The following GUCY1A2 variants were observed in gnomAD, a reference collection of about 807,000 sequenced individuals.
The protein encoded by GUCY1A2 is guanylate cyclase 1 soluble subunit alpha 2.
Under a neutral mutation model 63.5 loss-of-function variants are expected in GUCY1A2, and 27 were observed. The observed-to-expected ratio is 0.43, with a 90% CI of 0.31 to 0.59. The LOEUF is 0.59. GUCY1A2 is among the 20% of genes least tolerant of loss of function. The pLI is 0.11. For synonymous variants in GUCY1A2, 364 were observed against 343.5 expected (o/e 1.06, Z -0.66); for missense variants, 768 against 913.3 (o/e 0.84, Z 2.05).
rs1858991359 is a variant in GUCY1A2, at chr11:106,827,758, G to A, written c.1207-17280C>T. 9.9e-6 allele frequency: 15 copies of A among 1,516,816 alleles called. No individual in the cohort carries two copies. In the South Asian group the frequency reaches 1.6e-4, roughly 16 times the overall value. The allele number at this position is 1,516,816 out of a possible 1,614,324, so 94.0% of individuals were successfully genotyped here. On this transcript the variant is annotated intron_variant, in intron 4 of 7. Transcript: ENST00000526355. Reference sequence around the variant, plus strand: ...AAATTTGTAACTGCTTTCATAACAGGAGAAGCTGTTACCAAGAGAATATCT... The same window carrying A: ...AAATTTGTAACTGCTTTCATAACAGAAGAAGCTGTTACCAAGAGAATATCT...
intron 1 of GUCY1A2, among the ~76,000 whole-genome samples, chr11:106,989,814 T>A (rs17106282): frequency 0.067 from 10,251 of 152,092 alleles, 878 homozygotes; most frequent in East Asian, 0.3. Flanking sequence ...GAATTCTCAA[T>A]ATTAAGGCTG....
At chr11:106,812,845 C>T (rs903082390) in intron 4 of GUCY1A2, among the ~76,000 whole-genome samples, 3 of 151,822 alleles carry the variant, frequency 2.0e-5, no homozygotes, top group Non-Finnish European at 2.9e-5. Flanking sequence ...AATTCATAGA[C>T]GATAAGCCCA....
At chr11:106,881,738 A>G (rs1944196) in intron 4 of GUCY1A2, among the ~76,000 whole-genome samples, 24,863 of 151,962 alleles carry the variant, frequency 0.16, 2,466 homozygotes, top group East Asian at 0.29. Flanking sequence ...AGTAAATGCC[A>G]ATTGCAACCA....
chr11:106,960,658 A>G (rs1471045), intron 3 of GUCY1A2, among the ~76,000 whole-genome samples: 57,189 of 152,084 alleles, frequency 0.38, 11,176 homozygotes, highest in Non-Finnish European at 0.43. Flanking sequence ...TGTAGAAAAT[A>G]CGGACTGGAT....
At chr11:106,987,726 T>C (rs1286863707) in intron 1 of GUCY1A2, among the ~76,000 whole-genome samples, 2 of 151,392 alleles carry the variant, frequency 1.3e-5, no homozygotes, top group East Asian at 3.9e-4. Flanking sequence ...CACCTCTTCA[T>C]AAAAACATCC....
chr11:106,938,252 C>T (rs78490756), intron 4 of GUCY1A2, among the ~76,000 whole-genome samples: 4,800 of 152,014 alleles, frequency 0.032, 241 homozygotes, highest in African/African-American at 0.11. Flanking sequence ...CCATCTTTCT[C>T]GAATATTTTT....
chr11:106,755,048 A>G (rs1863950038), intron 6 of GUCY1A2, among the ~76,000 whole-genome samples: 1 of 152,106 alleles, frequency 6.6e-6, no homozygotes, highest in Admixed American at 6.5e-5. Flanking sequence ...GTCTGTTAAG[A>G]AATCTGACTT....
intron 7 of GUCY1A2, among the ~76,000 whole-genome samples, chr11:106,697,367 A>C (rs2135340510): frequency 6.6e-6 from 1 of 152,374 alleles, no homozygotes; most frequent in South Asian, 2.1e-4. Context: ...GACTGCTAAA[A>C]GATTAAGGCC....
intron 7 of GUCY1A2, among the ~76,000 whole-genome samples, chr11:106,695,115 A>C (rs1862694416): frequency 6.6e-6 from 1 of 152,102 alleles, no homozygotes; most frequent in Non-Finnish European, 1.5e-5. Context: ...TCTTTTAGAC[A>C]TTAAGCCAAA....
chr11:106,921,398 T>C (rs1440570600), intron 4 of GUCY1A2, among the ~76,000 whole-genome samples: 2 of 151,904 alleles, frequency 1.3e-5, no homozygotes, highest in Non-Finnish European at 2.9e-5. Context: ...TAAGACAAAA[T>C]GTGGTCCAAA....
intron 4 of GUCY1A2, among the ~76,000 whole-genome samples, chr11:106,814,039 C>T (rs904546611): frequency 2.0e-5 from 3 of 152,046 alleles, no homozygotes; most frequent in Non-Finnish European, 4.4e-5. Flanking sequence ...CACTCTTAAC[C>T]ACTGTAGAAG....
intron 4 of GUCY1A2, among the ~76,000 whole-genome samples, chr11:106,877,605 C>CA (rs934340613): frequency 6.6e-6 from 1 of 152,070 alleles, no homozygotes; most frequent in African/African-American, 2.4e-5. Context: ...CCCTTCCTTA[C>CA]ACCACATACA....
intron 7 of GUCY1A2, among the ~76,000 whole-genome samples, chr11:106,707,174 G>C (rs1237263143): frequency 6.6e-6 from 1 of 151,882 alleles, no homozygotes; most frequent in Non-Finnish European, 1.5e-5. Context: ...TTTTTAATGT[G>C]CACTTTCTCT....
intron 3 of GUCY1A2, among the ~76,000 whole-genome samples, chr11:106,964,979 C>CA (rs1429284207): frequency 1.3e-5 from 2 of 151,290 alleles, no homozygotes; most frequent in Non-Finnish European, 2.9e-5. Context: ...GACTCCATCT[C>CA]AAAAAAAGAA....
At chr11:106,888,863 T>G (rs973417170) in intron 4 of GUCY1A2, among the ~76,000 whole-genome samples, 28 of 152,306 alleles carry the variant, frequency 1.8e-4, no homozygotes, top group African/African-American at 5.3e-4. Context: ...AACAACAAAT[T>G]ATTTTAACAC....
At chr11:106,790,738 G>A (rs770395541) in intron 5 of GUCY1A2, among the ~76,000 whole-genome samples, 1 of 152,072 alleles carries the variant, frequency 6.6e-6, no homozygotes, top group African/African-American at 2.4e-5. Flanking sequence ...CTTCAATACA[G>A]TAGGTTCCCC....
At chr11:106,828,156 T>C (rs1006900251) in intron 4 of GUCY1A2, among the ~76,000 whole-genome samples, 2 of 142,892 alleles carry the variant, frequency 1.4e-5, no homozygotes, top group Non-Finnish European at 2.9e-5. Context: ...TGTTGTCTGT[T>C]TGTTGATTTT....
chr11:106,736,429 T>C (rs1206303991), intron 6 of GUCY1A2, among the ~76,000 whole-genome samples: 1 of 152,160 alleles, frequency 6.6e-6, no homozygotes, highest in Non-Finnish European at 1.5e-5. Flanking sequence ...TTGGCAAAAA[T>C]GAGTTAACTA....
chr11:106,942,428 T>C (rs1175468375), intron 3 of GUCY1A2, among the ~76,000 whole-genome samples: 2 of 152,210 alleles, frequency 1.3e-5, no homozygotes, highest in Admixed American at 1.3e-4. Context: ...ACACATTCAA[T>C]GACAGTCCTT....
Sources: gnomAD v4.1 joint callset for allele counts (sites outside exome capture counted in the v4.1 genomes callset) on GRCh38, gnomAD v4.1.1 for gene constraint, MANE v1.5 for transcripts, NCBI Gene and HGNC (gene_info 2026-07-23, HGNC 2026-07-21) for gene names.